Variants in LRCH2 observed in about 807,000 individuals in gnomAD.
LRCH2 encodes the protein leucine rich repeats and calponin homology domain containing 2, also known as leucine-rich repeat and calponin homology domain-containing protein 2.
In LRCH2, 38 loss-of-function variants were observed where a neutral mutation model predicts 68.9. The observed-to-expected ratio is 0.55, with a 90% CI of 0.43 to 0.72. LRCH2 has a LOEUF of 0.72. Among genes scored for constraint, LRCH2 ranks in the 30% least tolerant of loss-of-function variants. The pLI is 0.00. For synonymous variants in LRCH2, 191 were observed against 208.1 expected (o/e 0.92, Z 0.71); for missense variants, 528 against 572.9 (o/e 0.92, Z 0.80).
chrX:115,173,297 C>T (rs1432411144), intron 5 of LRCH2, among the ~76,000 whole-genome samples: 1 of 111,572 alleles, frequency 9.0e-6, no homozygotes, highest in East Asian at 2.8e-4. Flanking sequence ...GCAGCATCTG[C>T]CTCGATAAGC....
chrX:115,192,731 T>C, intron 1 of LRCH2: 2 of 931,307 alleles, frequency 2.1e-6, no homozygotes, highest in South Asian at 4.6e-5. Context: ...AGGACTAGTA[T>C]AAGTAGGAGT....
rs201047008 is a variant in LRCH2, at chrX:115,191,678, G to A, written c.350-3308C>T. ...AGCGACCACTATGGAGGAGGAGGTC[G>A]CTCACTCGATGCCAACAGCAGTGGC... On this transcript the variant is annotated intron_variant, in intron 1 of 20. Transcript: ENST00000317135. The A allele has an allele frequency of 6.6e-4, 765 of 1,161,697 alleles. 1 individual carries two copies. Among genetic ancestry groups the A allele is most frequent in the African/African-American group, 8.8e-4 (48 of 54,337 alleles).
chrX:115,231,559 T>C (rs1009141360), intron 1 of LRCH2, among the ~76,000 whole-genome samples: 1 of 111,863 alleles, frequency 8.9e-6, no homozygotes, highest in African/African-American at 3.2e-5. Context: ...ATTTTTGAAA[T>C]GTTCCCACAA....
intron 1 of LRCH2, chrX:115,192,392 A>C: frequency 8.6e-7 from 1 of 1,166,181 alleles, no homozygotes; most frequent in Middle Eastern, 2.3e-4. Flanking sequence ...GGCCACTACG[A>C]GGAGTACCAG....
chrX:115,157,496 T>C (rs920367832), intron 11 of LRCH2, among the ~76,000 whole-genome samples: 1 of 107,132 alleles, frequency 9.3e-6, no homozygotes, highest in Non-Finnish European at 1.9e-5. Flanking sequence ...ATGGTTAGCA[T>C]AAAGAAACCA....
At chrX:115,115,831 A>G (rs1325455840) in intron 20 of LRCH2, among the ~76,000 whole-genome samples, 2 of 110,443 alleles carry the variant, frequency 1.8e-5, no homozygotes, top group Non-Finnish European at 3.8e-5. Context: ...TCCAGAATAC[A>G]TAAGGAACTA....
At chrX:115,164,268 T>C (rs2072541484) in intron 10 of LRCH2, among the ~76,000 whole-genome samples, 1 of 111,851 alleles carries the variant, frequency 8.9e-6, no homozygotes, top group Admixed American at 9.5e-5. Context: ...CAAATAAGAT[T>C]GGCAAATTTG....
chrX:115,143,492 G>A (rs782579948), intron 14 of LRCH2, among the ~76,000 whole-genome samples: 2 of 111,232 alleles, frequency 1.8e-5, no homozygotes, highest in Non-Finnish European at 3.8e-5. Context: ...GTAATAAATA[G>A]TCTCCCAGGA....
At chrX:115,187,534 A>G (rs2072742392) in intron 2 of LRCH2, among the ~76,000 whole-genome samples, 1 of 112,070 alleles carries the variant, frequency 8.9e-6, no homozygotes, top group South Asian at 3.7e-4. Flanking sequence ...CACTTGCTGA[A>G]TATATCTATG....
At chrX:115,202,806 AAGAAATGG>A (rs2072939304) in intron 1 of LRCH2, among the ~76,000 whole-genome samples, 2 of 112,158 alleles carry the variant, frequency 1.8e-5, no homozygotes, top group Admixed American at 9.5e-5. Context: ...AAGCCATGAA[AAGAAATGG>A]AGAGACCTTA....
At chrX:115,178,921 T>C (rs1160725703) in intron 5 of LRCH2, among the ~76,000 whole-genome samples, 1 of 112,347 alleles carries the variant, frequency 8.9e-6, no homozygotes, top group Non-Finnish European at 1.9e-5. Flanking sequence ...ACTGTCCTCT[T>C]TCTTCTCTTT....
intron 1 of LRCH2, among the ~76,000 whole-genome samples, chrX:115,209,394 T>G (rs902871449): frequency 9.0e-6 from 1 of 111,706 alleles, no homozygotes; most frequent in Non-Finnish European, 1.9e-5. Flanking sequence ...TCTCACAAGA[T>G]CTGATGGTTT....
chrX:115,179,543 C>A lies in LRCH2; in HGVS notation c.748G>T (p.Val250Phe), dbSNP rs781940073. The change falls in exon 5 of 21, where the codon GTC becomes TTC. Residue 250 changes from valine (V) to phenylalanine (F), a missense_variant. Coordinates refer to ENST00000317135, the MANE Select transcript of LRCH2 (RefSeq NM_020871.4). ...LPDELGDLPL[V>F]KLDFSCNKVT... is the part of the protein sequence containing the mutation. The stretch of plus-strand genomic sequence containing the variant: ...TTATTACAAGAGAAATCCAGCTTGA[C>A]TAAGGGAAGGTCTCCTAATTCTGGT... The A allele has an allele frequency of 1.8e-6, 2 of 1,137,420 alleles. No individual in the cohort carries two copies. Among genetic ancestry groups the A allele is most frequent in the Non-Finnish European group, 2.3e-6 (2 of 861,317 alleles). 93.7% of individuals were successfully genotyped at this position (1,137,420 alleles called of 1,213,427 possible). A position where few individuals can be genotyped will look rare whatever the true frequency, so the allele number is the denominator to read the frequency against.
At chrX:115,233,369 G>A (rs2073165082) in intron 1 of LRCH2, among the ~76,000 whole-genome samples, 1 of 112,002 alleles carries the variant, frequency 8.9e-6, no homozygotes, top group African/African-American at 3.2e-5. Context: ...AAGACGGGAA[G>A]ATCCAGGAGA....
chrX:115,209,679 G>A (rs1364367937), intron 1 of LRCH2, among the ~76,000 whole-genome samples: 9 of 112,324 alleles, frequency 8.0e-5, no homozygotes, highest in African/African-American at 2.9e-4. Context: ...GTAATAGGCA[G>A]AAGTTGGAAC....
intron 20 of LRCH2, among the ~76,000 whole-genome samples, chrX:115,116,660 G>A (rs1245592625): frequency 1.8e-5 from 2 of 110,826 alleles, no homozygotes; most frequent in African/African-American, 6.5e-5. Context: ...GAATGCTATG[G>A]CATTGTAATT....
chrX:115,190,875 G>A lies in LRCH2; in HGVS notation c.350-2505C>T, dbSNP rs371962866. The A allele has an allele frequency of 2.8e-5, 33 of 1,158,798 alleles. No homozygotes were observed. The African/African-American group carries it at 4.1e-4, about 14-fold the overall frequency. ...GTTATGAGGAGTACCAAGGCCGCTC[G>A]CTGGATGCCAACAGTGGAGGCTGCT... On this transcript the variant is annotated intron_variant, in intron 1 of 20. Transcript: ENST00000317135.
chrX:115,137,061 T>C (rs988081819), intron 14 of LRCH2, among the ~76,000 whole-genome samples: 1 of 111,878 alleles, frequency 8.9e-6, no homozygotes. Flanking sequence ...ATCAATCTTT[T>C]CTTCTAGCTA....
At chrX:115,141,167 G>A (rs2072335184) in intron 14 of LRCH2, among the ~76,000 whole-genome samples, 1 of 107,900 alleles carries the variant, frequency 9.3e-6, no homozygotes, top group Non-Finnish European at 1.9e-5. Context: ...GAACCTTGGG[G>A]ATGGAGCTTG....
Sources: allele counts gnomAD v4.1 joint callset (sites outside exome capture counted in the v4.1 genomes callset), GRCh38; gene constraint gnomAD v4.1.1; transcripts MANE v1.5; gene names NCBI Gene and HGNC (gene_info 2026-07-23, HGNC 2026-07-21).